Variants in ZMYND11 observed in about 807,000 individuals in gnomAD.
ZMYND11 encodes zinc finger MYND-type containing 11, also known as zinc finger MYND domain-containing protein 11.
In ZMYND11, 9 loss-of-function variants were observed where a neutral mutation model predicts 84.9. That is an observed-to-expected ratio of 0.11 (90% CI 0.06 to 0.18). The LOEUF is 0.18. Ranked by LOEUF, ZMYND11 falls within the 10% of genes least tolerant of loss-of-function variation. The pLI, the probability that ZMYND11 is intolerant of heterozygous loss-of-function variation, is 1.00. For missense variants in ZMYND11, 409 were observed against 761.0 expected (o/e 0.54, Z 5.44); for synonymous variants, 250 against 244.1 (o/e 1.02, Z -0.23).
At chr10:176,662 G>A (rs1384910817) in intron 1 of ZMYND11, among the ~76,000 whole-genome samples, 1 of 152,122 alleles carries the variant, frequency 6.6e-6, no homozygotes, top group African/African-American at 2.4e-5. Flanking sequence ...CAATACATTT[G>A]TAAGAGATGT....
chr10:194,281 C>T (rs1455570596), intron 2 of ZMYND11, among the ~76,000 whole-genome samples: 2 of 152,028 alleles, frequency 1.3e-5, no homozygotes, highest in Non-Finnish European at 2.9e-5. Context: ...GTCTCGAACT[C>T]CTGGGCTCAG....
intron 2 of ZMYND11, among the ~76,000 whole-genome samples, chr10:180,466 C>G (rs181310654): frequency 4.5e-4 from 69 of 152,316 alleles, no homozygotes; most frequent in Non-Finnish European, 7.6e-4. Flanking sequence ...GTGACCCGAT[C>G]TCAGCTCATG....
chr10:230,843 G>C (rs1948907404), intron 4 of ZMYND11, among the ~76,000 whole-genome samples: 1 of 152,188 alleles, frequency 6.6e-6, no homozygotes, highest in South Asian at 2.1e-4. Context: ...AGTGGCACCA[G>C]TTCAATTCAA....
intron 1 of ZMYND11, among the ~76,000 whole-genome samples, chr10:178,573 G>A (rs1202997572): frequency 6.6e-6 from 1 of 152,152 alleles, no homozygotes; most frequent in Non-Finnish European, 1.5e-5. Context: ...AAATGGAAGT[G>A]TTCCTAAGTT....
intron 4 of ZMYND11, among the ~76,000 whole-genome samples, chr10:222,697 T>C (rs147830707): frequency 4.6e-5 from 7 of 151,788 alleles, no homozygotes; most frequent in African/African-American, 1.4e-4. Flanking sequence ...AGTAGAAAAT[T>C]AATGAGATCA....
rs530355024 is a variant in ZMYND11, at chr10:250,859, C to CA, written c.1687-1483dup. Among the ~76,000 whole-genome samples the CA allele has an allele frequency of 4.3e-3, 660 of 152,156 alleles. 1 individual carries two copies. Among genetic ancestry groups the CA allele is most frequent in the Non-Finnish European group, 6.9e-3 (466 of 67,988 alleles). On this transcript the variant is annotated intron_variant, in intron 14 of 14. Coordinates refer to ENST00000381604, the MANE Select transcript of ZMYND11 (RefSeq NM_001370100.5). ...GCAACATGGTGAAACCCCATCTCTA[C>CA]AAAAAATACAAAAATTAGCCGGGCG...
chr10:160,924 A>G (rs186609249), intron 1 of ZMYND11, among the ~76,000 whole-genome samples: 70 of 150,102 alleles, frequency 4.7e-4, no homozygotes, highest in Non-Finnish European at 9.6e-4. Context: ...ATTCTTTAAT[A>G]AGACCTGAAA....
At chr10:241,632 G>T (rs1423567803) in intron 9 of ZMYND11, among the ~76,000 whole-genome samples, 1 of 152,212 alleles carries the variant, frequency 6.6e-6, no homozygotes, top group Non-Finnish European at 1.5e-5. Context: ...TTCTTGGCCG[G>T]CAGCCTTGGC....
At chr10:223,204 A>AT (rs1461136168) in intron 4 of ZMYND11, among the ~76,000 whole-genome samples, 2 of 151,702 alleles carry the variant, frequency 1.3e-5, no homozygotes, top group Admixed American at 6.6e-5. Context: ...TAATTTTTGT[A>AT]TTTTTAGTAG....
At chr10:185,742 G>A (rs1436465656) in intron 2 of ZMYND11, among the ~76,000 whole-genome samples, 1 of 149,124 alleles carries the variant, frequency 6.7e-6, no homozygotes, top group Non-Finnish European at 1.5e-5. Context: ...TTGAACCCGG[G>A]AGGCGGAGGT....
At chr10:193,681 C>T (rs1275073723) in intron 2 of ZMYND11, among the ~76,000 whole-genome samples, 2 of 152,222 alleles carry the variant, frequency 1.3e-5, no homozygotes, top group African/African-American at 4.8e-5. Flanking sequence ...CAACCACCAT[C>T]TCAATTAAGA....
At chr10:233,234 A>G (rs1949314410) in intron 4 of ZMYND11, among the ~76,000 whole-genome samples, 1 of 152,178 alleles carries the variant, frequency 6.6e-6, no homozygotes, top group African/African-American at 2.4e-5. Flanking sequence ...AAATTCACAC[A>G]TACACTGACA....
intron 2 of ZMYND11, among the ~76,000 whole-genome samples, chr10:182,776 C>G (rs913343453): frequency 4.6e-5 from 7 of 152,106 alleles, no homozygotes; most frequent in Non-Finnish European, 1.0e-4. Context: ...TTAAACTTGC[C>G]TAAGGTAAGT....
chr10:247,703 G>C (rs981320617), intron 12 of ZMYND11, among the ~76,000 whole-genome samples: 1 of 152,056 alleles, frequency 6.6e-6, no homozygotes, highest in Non-Finnish European at 1.5e-5. Flanking sequence ...TTAAGCAGCC[G>C]CTGACCAAAG....
At chr10:189,152 T>C (rs1939618491) in intron 2 of ZMYND11, among the ~76,000 whole-genome samples, 1 of 152,236 alleles carries the variant, frequency 6.6e-6, no homozygotes, top group Non-Finnish European at 1.5e-5. Context: ...TGTGACATGT[T>C]TGGCATTGAC....
chr10:250,551 GGAA>G (rs775803309), intron 14 of ZMYND11, among the ~76,000 whole-genome samples: 81 of 152,038 alleles, frequency 5.3e-4, no homozygotes, highest in Non-Finnish European at 9.4e-4. Flanking sequence ...CAAGAAAATG[GGAA>G]GAAGAGGCTA....
At chr10:174,732 A>G (rs1441765994) in intron 1 of ZMYND11, among the ~76,000 whole-genome samples, 1 of 151,762 alleles carries the variant, frequency 6.6e-6, no homozygotes, top group African/African-American at 2.4e-5. Flanking sequence ...CATGCTTGTC[A>G]TTCATACATT....
chr10:154,741 AATAG>A lies in ZMYND11; in HGVS notation c.-20+19186_-20+19189del, dbSNP rs1249738988. The A allele has an allele frequency of 3.3e-5, 5 of 152,222 alleles. No homozygotes were observed. In the South Asian group the frequency reaches 6.2e-4, roughly 19 times the overall value. 9.4% of individuals were successfully genotyped at this position (152,222 alleles called of 1,614,324 possible). On this transcript the variant is annotated intron_variant, in intron 1 of 14. Transcript: ENST00000381604. ...ATCTTTTAATAGATGTAAAGATTTTAATAGATATAAAGATGAAAAGATTTTCACA... is the reference window on the plus strand; with the variant it reads ...ATCTTTTAATAGATGTAAAGATTTTAATATAAAGATGAAAAGATTTTCACA...
chr10:170,388 T>G (rs1291867477), intron 1 of ZMYND11, among the ~76,000 whole-genome samples: 1 of 151,970 alleles, frequency 6.6e-6, no homozygotes, highest in Admixed American at 6.6e-5. Context: ...AACAGATAAT[T>G]TTTTCGAAAC....
Sources: allele counts gnomAD v4.1 joint callset (sites outside exome capture counted in the v4.1 genomes callset), GRCh38; gene constraint gnomAD v4.1.1; transcripts MANE v1.5; gene names NCBI Gene and HGNC (gene_info 2026-07-23, HGNC 2026-07-21).